Variants in PTPRO observed in about 807,000 individuals in gnomAD.
The protein encoded by PTPRO is protein tyrosine phosphatase receptor type O.
In PTPRO, 62 loss-of-function variants were observed where a neutral mutation model predicts 145.2. That is an observed-to-expected ratio of 0.43 (90% CI 0.35 to 0.53). The LOEUF is 0.53. Ranked by LOEUF, PTPRO falls within the 20% of genes least tolerant of loss-of-function variation. The pLI is 0.01. For synonymous variants in PTPRO, 565 were observed against 514.7 expected (o/e 1.10, Z -1.32); for missense variants, 1,345 against 1,482.7 (o/e 0.91, Z 1.53).
chr12:15,373,193 A>G (rs1938583244), intron 1 of PTPRO, among the ~76,000 whole-genome samples: 2 of 152,230 alleles, frequency 1.3e-5, no homozygotes, highest in African/African-American at 4.8e-5. Flanking sequence ...TTACAGAAAC[A>G]AACATAAATA....
In PTPRO at chr12:15,328,190, C is replaced by G. The variant is rs190000773; in HGVS notation, c.75+5389C>G. ...ATGTAATCTGCTATCACCAATTACTCCTAATGTTTCCCTTTTCCAAGCTTG... is the reference window on the plus strand; with the variant it reads ...ATGTAATCTGCTATCACCAATTACTGCTAATGTTTCCCTTTTCCAAGCTTG... On this transcript the variant is annotated intron_variant, in intron 1 of 26. Transcript: ENST00000281171. Among the ~76,000 whole-genome samples, 11 of 152,044 alleles carry G rather than the reference C, an allele frequency of 7.2e-5. No homozygotes were observed. In the East Asian group the frequency reaches 2.1e-3, roughly 29 times the overall value.
intron 19 of PTPRO, among the ~76,000 whole-genome samples, chr12:15,572,468 T>C (rs1944076232): frequency 6.6e-6 from 1 of 152,242 alleles, no homozygotes; most frequent in Non-Finnish European, 1.5e-5. Flanking sequence ...AACGTTAAGC[T>C]ACATCATCTT....
chr12:15,397,598 T>A (rs919994271), intron 1 of PTPRO, among the ~76,000 whole-genome samples: 2 of 152,200 alleles, frequency 1.3e-5, no homozygotes, highest in East Asian at 1.9e-4. Flanking sequence ...CAACCCTCAG[T>A]GCTGGCCCGT....
intron 1 of PTPRO, among the ~76,000 whole-genome samples, chr12:15,408,573 G>A (rs889721075): frequency 3.3e-5 from 5 of 152,076 alleles, no homozygotes; most frequent in African/African-American, 9.6e-5. Flanking sequence ...GACTACAGGC[G>A]CCCACCACCA....
At chr12:15,589,331 A>T in intron 24 of PTPRO, 124 bp from the exon 25 acceptor site, 1 of 1,326,750 alleles carries the variant, frequency 7.5e-7, no homozygotes, top group Non-Finnish European at 1.1e-6. Context: ...AGCCGAGATC[A>T]TGCCATTGCA....
chr12:15,393,069 C>G (rs1034377522), intron 1 of PTPRO, among the ~76,000 whole-genome samples: 1 of 152,138 alleles, frequency 6.6e-6, no homozygotes, highest in Non-Finnish European at 1.5e-5. Flanking sequence ...CCATTAACTG[C>G]CCAGAAGCCC....
chr12:15,377,287 C>A (rs1938717026), intron 1 of PTPRO, among the ~76,000 whole-genome samples: 1 of 151,788 alleles, frequency 6.6e-6, no homozygotes, highest in Non-Finnish European at 1.5e-5. Flanking sequence ...CATATAGAAA[C>A]AAAGACATAA....
chr12:15,523,494 G>T (rs1029245553), intron 10 of PTPRO, among the ~76,000 whole-genome samples: 3 of 152,012 alleles, frequency 2.0e-5, no homozygotes, highest in Non-Finnish European at 4.4e-5. Flanking sequence ...ACGTTTTTTG[G>T]CTGGGCGTGG....
intron 3 of PTPRO, 133 bp from the exon 4 acceptor site, chr12:15,499,305 CTCTT>C: frequency 5.7e-6 from 5 of 871,660 alleles, no homozygotes; most frequent in South Asian, 1.5e-5. Context: ...CTTCTACTAA[CTCTT>C]TATTACTGCC....
intron 1 of PTPRO, among the ~76,000 whole-genome samples, chr12:15,427,977 T>G (rs1228657080): frequency 1.3e-5 from 2 of 152,154 alleles, no homozygotes; most frequent in East Asian, 1.9e-4. Flanking sequence ...AAGTATCGGT[T>G]TATCAATGTA....
chr12:15,429,753 T>A (rs918529173), intron 1 of PTPRO, among the ~76,000 whole-genome samples: 1 of 152,088 alleles, frequency 6.6e-6, no homozygotes, highest in African/African-American at 2.4e-5. Context: ...CTGAATGCAA[T>A]GTAGAAAACA....
chr12:15,452,632 CA>C (rs1941075865), intron 1 of PTPRO, among the ~76,000 whole-genome samples: 1 of 152,046 alleles, frequency 6.6e-6, no homozygotes, highest in Non-Finnish European at 1.5e-5. Context: ...AACAGTATAT[CA>C]AAAAGATAAT....
chr12:15,550,658 T>C (rs957963030), intron 14 of PTPRO, among the ~76,000 whole-genome samples: 1 of 152,200 alleles, frequency 6.6e-6, no homozygotes, highest in African/African-American at 2.4e-5. Flanking sequence ...TCTTTCTGTT[T>C]AAGCACTCTA....
intron 5 of PTPRO, among the ~76,000 whole-genome samples, chr12:15,502,824 T>A (rs1942248752): frequency 6.6e-6 from 1 of 152,178 alleles, no homozygotes; most frequent in Non-Finnish European, 1.5e-5. Context: ...GTAATATACT[T>A]CATTTTCCAT....
At chr12:15,431,690 A>G (rs10846175) in intron 1 of PTPRO, among the ~76,000 whole-genome samples, 45,717 of 152,134 alleles carry the variant, frequency 0.3, 7,139 homozygotes, top group South Asian at 0.45. Context: ...GGATAACTTC[A>G]AAGTGATTAT....
intron 16 of PTPRO, 119 bp downstream of exon 16, chr12:15,557,642 A>G: frequency 1.1e-6 from 1 of 872,938 alleles, no homozygotes; most frequent in South Asian, 1.4e-5. Flanking sequence ...AATTTCGGTG[A>G]TGGTAGACTT....
intron 1 of PTPRO, among the ~76,000 whole-genome samples, chr12:15,389,948 A>T (rs767723419): frequency 7.2e-5 from 11 of 152,218 alleles, no homozygotes; most frequent in Non-Finnish European, 1.5e-4. Flanking sequence ...GCAGAACAAG[A>T]GACCAAGTCT....
chr12:15,337,500 A>G (rs1278570325), intron 1 of PTPRO: 1 of 152,232 alleles, frequency 6.6e-6, no homozygotes. Flanking sequence ...CGTTTTGTGC[A>G]GTATGCAGTC....
intron 1 of PTPRO, among the ~76,000 whole-genome samples, chr12:15,404,992 G>A (rs1441504677): frequency 6.6e-6 from 1 of 152,132 alleles, no homozygotes; most frequent in African/African-American, 2.4e-5. Context: ...CACATGTGCA[G>A]AGAGAGATCA....
Sources: allele counts gnomAD v4.1 joint callset (sites outside exome capture counted in the v4.1 genomes callset), GRCh38; gene constraint gnomAD v4.1.1; transcripts MANE v1.5; gene names NCBI Gene and HGNC (gene_info 2026-07-23, HGNC 2026-07-21).